PEG3: variants seen among roughly 807,000 people sequenced by gnomAD.
PEG3 encodes paternally-expressed gene 3 protein.
In PEG3, 23 loss-of-function variants were observed where a neutral mutation model predicts 35.5. The ratio of observed to expected loss-of-function variants is 0.65; its 90% CI spans 0.47 to 0.92. The LOEUF is 0.92. PEG3 is among the 40% of genes least tolerant of loss of function. The pLI, the probability that PEG3 is intolerant of heterozygous loss-of-function variation, is 0.00. For synonymous variants in PEG3, 707 were observed against 697.0 expected, an observed-to-expected ratio of 1.01 and a Z score of -0.23; for missense variants, 1,960 against 1,985.3, an observed-to-expected ratio of 0.99 and a Z score of 0.24.
chr19:56,814,720 T>C lies in PEG3; in HGVS notation c.3722A>G (p.Asn1241Ser). 1.2e-6 allele frequency: 2 copies of C among 1,614,078 alleles called. No homozygotes were observed. The highest frequency in any genetic ancestry group is 8.5e-7 in the Non-Finnish European group (1 of 1,179,974). Residue 1241 changes from asparagine to serine, a missense_variant, in exon 10 of 10, where the codon AAT (asparagine) becomes AGT (serine). By Grantham distance (46) the Asn-to-Ser change is conservative. Coordinates refer to ENST00000326441, the MANE Select transcript of PEG3 (RefSeq NM_006210.3). The surrounding 1 kb of genome is among the most constrained non-coding windows in gnomAD (Gnocchi z 5.8). ...TTCCCTATGAAGTCTCATATGCTCA[T>C]TAAGGGCAGAGCTATGAATGAAGCC... ...GQGFIHSSAL[N>S]EHMRLHREDD... is the part of the protein sequence containing the mutation.
In PEG3 at chr19:56,821,663, C is replaced by T. The variant is rs745666478; in HGVS notation, c.657G>A (p.Glu219=). Reference sequence around the variant, plus strand: ...AACCTGAGCATACCTGAGATCGGGACTCATAAGCCCTGGAGTCCCTGTCGT... The same window carrying T: ...AACCTGAGCATACCTGAGATCGGGATTCATAAGCCCTGGAGTCCCTGTCGT... ...REDDRDSRAY[E]SRSQDAESYQ... The change falls in exon 7 of 10, where the codon GAG becomes GAA. Residue 219 remains glutamate (E), a synonymous_variant. Coordinates refer to ENST00000326441, the MANE Select transcript of PEG3 (RefSeq NM_006210.3). 9 of 1,613,950 alleles carry T rather than the reference C, an allele frequency of 5.6e-6. No homozygotes were observed. The highest frequency in any genetic ancestry group is 7.6e-6 in the Non-Finnish European group (9 of 1,180,000).
rs192047996 is a variant in PEG3, at chr19:56,834,389, A to G, written c.-163+1629T>C. On this transcript the variant is annotated intron_variant, in intron 2 of 9. Transcript: ENST00000326441. ...AAACCAGCGCTATTAAAGCTCACCCACATCCTCTTGGTTCTGATTCCGTAC... is the reference window on the plus strand; with the variant it reads ...AAACCAGCGCTATTAAAGCTCACCCGCATCCTCTTGGTTCTGATTCCGTAC... Among the ~76,000 whole-genome samples, 43 of 152,258 alleles carry G rather than the reference A, an allele frequency of 2.8e-4. No homozygotes were observed. In the East Asian group the frequency reaches 6.8e-3, roughly 24 times the overall value.
In PEG3 at chr19:56,821,610, T is replaced by C. The variant is rs1306752037; in HGVS notation, c.669+41A>G. The C allele has an allele frequency of 3.7e-6, 6 of 1,607,282 alleles. No homozygotes were observed. In the African/African-American group the frequency reaches 6.7e-5, roughly 18 times the overall value. On this transcript the variant is annotated intron_variant, in intron 7 of 9. Coordinates refer to ENST00000326441, the MANE Select transcript of PEG3 (RefSeq NM_006210.3). Reference sequence around the variant, plus strand: ...AAAGAAAGGCGTCTCTGCCATGAAATGAAGATGGCCTTTCTAGAAAGAGAG... The same window carrying C: ...AAAGAAAGGCGTCTCTGCCATGAAACGAAGATGGCCTTTCTAGAAAGAGAG...
At position 56,816,267 on chromosome 19, in the gene PEG3, A is replaced by G. The variant is rs1192983698; in HGVS notation, c.2175T>C (p.Ser725=). 2 of 1,613,748 alleles carry G rather than the reference A, an allele frequency of 1.2e-6. No individual in the cohort carries two copies. The highest frequency in any genetic ancestry group is 1.1e-5 in the South Asian group (1 of 91,078). Residue 725 remains serine, a synonymous_variant, in exon 10 of 10, where the codon AGT becomes AGC. Coordinates refer to ENST00000326441, the MANE Select transcript of PEG3 (RefSeq NM_006210.3). ...GRGYEKSVIH[S]GPFTESQKSH... ...TCTTCTGAGATTCAGTGAATGGCCC[A>G]CTATGAATGACAGATTTCTCATACC...
At chr19:56,820,947 C>T (rs973009343) in intron 7 of PEG3, among the ~76,000 whole-genome samples, 2 of 152,178 alleles carry the variant, frequency 1.3e-5, no homozygotes, top group Non-Finnish European at 2.9e-5. Context: ...GGTCCTCCTC[C>T]ACACTCCACC....
At chr19:56,821,812 G>T (rs2146305763) in intron 6 of PEG3, 58 bp from the exon 7 acceptor site, 1 of 1,592,440 alleles carries the variant, frequency 6.3e-7, no homozygotes, top group East Asian at 2.2e-5. Flanking sequence ...GCAGGTCCCA[G>T]GTTTGTCCCA....
In PEG3 at chr19:56,810,479, A is replaced by G. The variant is rs1375885464; in HGVS notation, c.*3196T>C. 1 of 985,056 alleles carries G rather than the reference A, an allele frequency of 1.0e-6. No individual in the cohort carries two copies. The highest frequency in any genetic ancestry group is 1.1e-4 in the East Asian group (1 of 8,834). 61.0% of individuals were successfully genotyped at this position (985,056 alleles called of 1,614,324 possible). A position where few individuals can be genotyped will look rare whatever the true frequency, so the allele number is the denominator to read the frequency against. ...CCCTAATAATCACAGACTAGTGCAC[A>G]GATCAAGATGTTAACAGTTAATTGT... On this transcript the variant is annotated 3_prime_UTR_variant, in exon 10 of 10. Transcript: ENST00000326441.
rs183208867 is a variant in PEG3, at chr19:56,812,775, G to A, written c.*900C>T. 9.5e-5 allele frequency: 93 copies of A among 984,120 alleles called. No individual in the cohort carries two copies. Among genetic ancestry groups the A allele is most frequent in the Admixed American group, 6.2e-4 (10 of 16,204 alleles). 61.0% of individuals were successfully genotyped at this position (984,120 alleles called of 1,614,324 possible). A position where few individuals can be genotyped will look rare whatever the true frequency, so the allele number is the denominator to read the frequency against. Reference sequence around the variant, plus strand: ...TGTAAGATTTACAGGGAAAAGCTTCGGGTTTTATCAATTCACTATCATCAA... The same window carrying A: ...TGTAAGATTTACAGGGAAAAGCTTCAGGTTTTATCAATTCACTATCATCAA... On this transcript the variant is annotated 3_prime_UTR_variant, in exon 10 of 10. Transcript: ENST00000326441.
At chr19:56,822,927 G>T in intron 5 of PEG3, 91 bp from the exon 6 acceptor site, 1 of 1,497,652 alleles carries the variant, frequency 6.7e-7, no homozygotes, top group Non-Finnish European at 9.1e-7. Flanking sequence ...GGAAAGAGAT[G>T]CTACCCTCTT....
Position 56,822,790 on chromosome 19 carries a change from T to G in PEG3, c.528A>C (p.Pro176=). Residue 176 remains proline (P), a synonymous_variant, in exon 6 of 10, where the codon CCA becomes CCC. Transcript: ENST00000326441. Reference sequence around the variant, plus strand: ...TCCTGGTGTGGGACCAGCGGTCTCGTGGCTCCATGTCTCTGCTTCTGCCCC... The same window carrying G: ...TCCTGGTGTGGGACCAGCGGTCTCGGGGCTCCATGTCTCTGCTTCTGCCCC... ...DRRGRSRDME[P]RDRWSHTRNP... is the part of the protein sequence containing the mutation. 1.2e-6 allele frequency: 2 copies of G among 1,614,160 alleles called. No individual in the cohort carries two copies. The highest frequency in any genetic ancestry group is 1.7e-6 in the Non-Finnish European group (2 of 1,180,032).
Position 56,824,748 on chromosome 19 carries a change from A to C in PEG3, c.-86-7T>G. On this transcript the variant is annotated splice_polypyrimidine_tract_variant and splice_region_variant and intron_variant, in intron 3 of 9. Transcript: ENST00000326441. Reference sequence around the variant, plus strand: ...ACCGTCAGTACTCAGGGACCTGTGGATCGTAAGGAGATATACACATGTCCC... The same window carrying C: ...ACCGTCAGTACTCAGGGACCTGTGGCTCGTAAGGAGATATACACATGTCCC... 2 of 1,237,522 alleles carry C rather than the reference A, an allele frequency of 1.6e-6. No individual in the cohort carries two copies. Among genetic ancestry groups the C allele is most frequent in the Non-Finnish European group, 2.3e-6 (2 of 880,420 alleles). The allele number at this position is 1,237,522 out of a possible 1,614,324, so 76.7% of individuals were successfully genotyped here.
In PEG3 at chr19:56,811,696, A is replaced by T; in HGVS notation, c.*1979T>A. On this transcript the variant is annotated 3_prime_UTR_variant, in exon 10 of 10. Coordinates refer to ENST00000326441, the MANE Select transcript of PEG3 (RefSeq NM_006210.3). ...TCAAGAGTCCTTTTCCCATGTAGTA[A>T]ACCTCACTGCCCCTCAGCTTTCCCG... is the stretch of plus-strand genomic sequence containing the variant. 1.0e-6 allele frequency: 1 copy of T among 985,452 alleles called. No individual in the cohort carries two copies. Among genetic ancestry groups the T allele is most frequent in the Non-Finnish European group, 1.2e-6 (1 of 829,972 alleles). 61.0% of individuals were successfully genotyped at this position (985,452 alleles called of 1,614,324 possible).
At position 56,816,061 on chromosome 19, in the gene PEG3, G is replaced by C; in HGVS notation, c.2381C>G (p.Ala794Gly). 1 of 1,602,878 alleles carries C rather than the reference G, an allele frequency of 6.2e-7. No individual in the cohort carries two copies. Among genetic ancestry groups the C allele is most frequent in the Non-Finnish European group, 8.5e-7 (1 of 1,174,362 alleles). Residue 794 changes from alanine to glycine, a missense_variant, in exon 10 of 10, where the codon GCA (alanine) becomes GGA (glycine). This residue lies in a region of PEG3 where 798 missense variants were observed against 782.4 expected (regional missense o/e 1.02). Transcript: ENST00000326441. ...CATTACTTTTGGTTTACTGGGCCCT[G>C]CTACACTGTGACTTTTCTGAGCTTC... ...SVEAQKSHSV[A>G]GPSKPKVMAE...
rs541678709 is a variant in PEG3 at position 56,817,468 on chromosome 19, C to G, written c.974G>C (p.Ser325Thr). The change falls in exon 10 of 10, where the codon AGT (serine) becomes ACT (threonine). Residue 325 changes from serine (S) to threonine (T), a missense_variant. Ser to Thr is a moderately conservative substitution (Grantham distance 58). Transcript: ENST00000326441. ...CTCCCTTGCTCTTCCCGATTTGGAA[C>G]TGCGTGACACATCCTTGATGAATTT... ...MEKFIKDVSRSSKSGRARESS... is the reference protein window; with the variant it reads ...MEKFIKDVSRTSKSGRARESS... 1 of 1,613,630 alleles carries G rather than the reference C, an allele frequency of 6.2e-7. No individual in the cohort carries two copies. Among genetic ancestry groups the G allele is most frequent in the South Asian group, 1.1e-5 (1 of 91,052 alleles).
At chr19:56,821,458 G>A (rs892692203) in intron 7 of PEG3, among the ~76,000 whole-genome samples, 193 bp downstream of exon 7, 16 of 152,122 alleles carry the variant, frequency 1.1e-4, no homozygotes, top group East Asian at 3.9e-4. Context: ...CCACATGAAC[G>A]ACAAAGAAAC....
At chr19:56,840,032 C>T (rs2062807027) in intron 1 of PEG3, among the ~76,000 whole-genome samples, 1 of 152,228 alleles carries the variant, frequency 6.6e-6, no homozygotes, top group African/African-American at 2.4e-5. Context: ...AAACAAGCCC[C>T]GCCCCCAGAG....
intron 2 of PEG3, among the ~76,000 whole-genome samples, chr19:56,830,050 A>G (rs1490553087): frequency 6.6e-6 from 1 of 152,252 alleles, no homozygotes; most frequent in Non-Finnish European, 1.5e-5. Context: ...TAAACGGGCC[A>G]TCAATAAAAA....
chr19:56,826,245 G>A (rs1457711757), intron 3 of PEG3, 143 bp downstream of exon 3: 2 of 152,222 alleles, frequency 1.3e-5, no homozygotes, highest in African/African-American at 2.4e-5. Flanking sequence ...CAAGAGCAGA[G>A]GTCTGTGCCT....
chr19:56,817,734 C>T lies in PEG3; in HGVS notation c.862+12G>A. On this transcript the variant is annotated intron_variant, in intron 9 of 9. Transcript: ENST00000326441. ...TTGTGTGGCTCCTCTGTGGGATGTG[C>T]CTCCTGCTTACCTCGACTGGTGCTT... The T allele has an allele frequency of 6.2e-7, 1 of 1,610,788 alleles. No homozygotes were observed. The highest frequency in any genetic ancestry group is 8.5e-7 in the Non-Finnish European group (1 of 1,177,016).
Sources: allele counts gnomAD v4.1 joint callset (sites outside exome capture counted in the v4.1 genomes callset), GRCh38; gene constraint gnomAD v4.1.1; regional missense constraint gnomAD v4.1.1; non-coding constraint Gnocchi (gnomAD v3.1); transcripts MANE v1.5; gene names NCBI Gene and HGNC (gene_info 2026-07-23, HGNC 2026-07-21).